The following BMAL2 variants were observed in gnomAD, a reference collection of about 807,000 sequenced individuals.
The protein encoded by BMAL2 is basic helix-loop-helix ARNT like 2.
chr12:27,364,240 G>A, the BMAL2 span, among the ~76,000 whole-genome samples: 4,492 of 152,260 alleles, frequency 0.03, 89 homozygotes, highest in South Asian at 0.09. Flanking sequence ...TGGGAATTAA[G>A]TTTCCACATG....
the BMAL2 span, among the ~76,000 whole-genome samples, chr12:27,365,227 T>C: frequency 6.6e-6 from 1 of 152,098 alleles, no homozygotes. Context: ...ATTTCTACAT[T>C]TCCTGAGATG....
chr12:27,378,682 T>C, the BMAL2 span, among the ~76,000 whole-genome samples: 1 of 152,272 alleles, frequency 6.6e-6, no homozygotes, highest in Admixed American at 6.5e-5. Context: ...ATGCAGTGAA[T>C]AGTTTTATGC....
At chr12:27,369,076 C>A in the BMAL2 span, among the ~76,000 whole-genome samples, 1 of 152,090 alleles carries the variant, frequency 6.6e-6, no homozygotes, top group Non-Finnish European at 1.5e-5. Flanking sequence ...GTTTGAGACC[C>A]GCAAGACCCC....
chr12:27,389,003 T>G, the BMAL2 span, among the ~76,000 whole-genome samples: 1 of 152,216 alleles, frequency 6.6e-6, no homozygotes, highest in Non-Finnish European at 1.5e-5. Flanking sequence ...TATTTTTTTC[T>G]GTCTACAAGT....
At chr12:27,406,775 C>G in the BMAL2 span, among the ~76,000 whole-genome samples, 2 of 152,114 alleles carry the variant, frequency 1.3e-5, no homozygotes, top group Admixed American at 1.3e-4. Context: ...GCTAAATGCT[C>G]CAATTAAAAG....
chr12:27,365,105 A>G, the BMAL2 span, among the ~76,000 whole-genome samples: 2 of 151,958 alleles, frequency 1.3e-5, no homozygotes, highest in Admixed American at 6.6e-5. Context: ...TTAATTTTAT[A>G]TTTCATTTTC....
chr12:27,402,734 T>C, the BMAL2 span: 9 of 1,465,754 alleles, frequency 6.1e-6, no homozygotes, highest in Non-Finnish European at 8.4e-6. Flanking sequence ...ATTAAGACTA[T>C]TACTATCTTT....
At chr12:27,340,694 G>A in the BMAL2 span, among the ~76,000 whole-genome samples, 1 of 152,070 alleles carries the variant, frequency 6.6e-6, no homozygotes, top group Non-Finnish European at 1.5e-5. Flanking sequence ...AACTGCTTTG[G>A]GTAGTAGATA....
chr12:27,354,615 G>T, the BMAL2 span, among the ~76,000 whole-genome samples: 1 of 152,048 alleles, frequency 6.6e-6, no homozygotes, highest in Non-Finnish European at 1.5e-5. Flanking sequence ...ACATTGTTTT[G>T]TGCAAAAATT....
At chr12:27,404,872 C>T in the BMAL2 span, among the ~76,000 whole-genome samples, 1 of 152,178 alleles carries the variant, frequency 6.6e-6, no homozygotes, top group African/African-American at 2.4e-5. Flanking sequence ...GACAGATGGG[C>T]ACCTGGAAAA....
the BMAL2 span, among the ~76,000 whole-genome samples, chr12:27,393,035 C>A: frequency 6.6e-6 from 1 of 152,176 alleles, no homozygotes; most frequent in Non-Finnish European, 1.5e-5. Flanking sequence ...CTAATCCTCC[C>A]TGCCACTTCT....
the BMAL2 span, among the ~76,000 whole-genome samples, chr12:27,394,942 A>T: frequency 1.3e-5 from 2 of 152,344 alleles, no homozygotes; most frequent in East Asian, 1.9e-4. Flanking sequence ...GACAGCCCTC[A>T]CCAGAACCCA....
chr12:27,366,179 GATATCA>G, the BMAL2 span, among the ~76,000 whole-genome samples: 1 of 151,648 alleles, frequency 6.6e-6, no homozygotes, highest in Non-Finnish European at 1.5e-5. Context: ...TTTTATGTAT[GATATCA>G]ATTTGTCAAA....
At chr12:27,344,978 G>A in the BMAL2 span, among the ~76,000 whole-genome samples, 19,249 of 152,146 alleles carry the variant, frequency 0.13, 1,400 homozygotes, top group Non-Finnish European at 0.17. Context: ...CAGTAGTGAC[G>A]TCGTCCTCAT....
chr12:27,357,705 A>G, the BMAL2 span, among the ~76,000 whole-genome samples: 1 of 152,352 alleles, frequency 6.6e-6, no homozygotes, highest in South Asian at 2.1e-4. Flanking sequence ...GAACCCAGAA[A>G]TAAAGCCAAA....
At chr12:27,382,952 G>A in the BMAL2 span, among the ~76,000 whole-genome samples, 3 of 152,186 alleles carry the variant, frequency 2.0e-5, no homozygotes, top group Non-Finnish European at 2.9e-5. Context: ...TTTTATAAAA[G>A]CCTCTAAATA....
At chr12:27,382,467 A>G in the BMAL2 span, among the ~76,000 whole-genome samples, 1 of 152,196 alleles carries the variant, frequency 6.6e-6, no homozygotes, top group Non-Finnish European at 1.5e-5. Context: ...CAGTGGTTCG[A>G]GTGAGAGGGG....
the BMAL2 span, among the ~76,000 whole-genome samples, chr12:27,362,297 C>T: frequency 2.6e-5 from 4 of 152,114 alleles, no homozygotes; most frequent in Non-Finnish European, 5.9e-5. Context: ...TATTTGATCT[C>T]ATGTGGTAGG....
the BMAL2 span, chr12:27,333,109 G>A: frequency 3.2e-5 from 38 of 1,205,322 alleles, no homozygotes; most frequent in Non-Finnish European, 3.9e-5. Flanking sequence ...GGGAGGTGAG[G>A]TTGCCGGTGG....
Sources: allele counts gnomAD v4.1 joint callset (sites outside exome capture counted in the v4.1 genomes callset), GRCh38; gene constraint gnomAD v4.1.1; transcripts MANE v1.5; gene names NCBI Gene and HGNC (gene_info 2026-07-23, HGNC 2026-07-21).